PTPRT: variants seen among roughly 807,000 people sequenced by gnomAD.
PTPRT encodes the protein protein tyrosine phosphatase receptor type T.
PTPRT carries 56 observed loss-of-function variants against 176.8 expected under a neutral mutation model. The ratio of observed to expected loss-of-function variants is 0.32; its 90% confidence interval spans 0.26 to 0.40. The LOEUF is 0.40. Among genes scored for constraint, PTPRT ranks in the 10% least tolerant of loss-of-function variants. The probability of loss-of-function intolerance (pLI) is 1.00; values close to 1 mark genes in which losing one functional copy is unlikely to be tolerated. For missense variants in PTPRT, 1,540 were observed against 1,908.2 expected, an observed-to-expected ratio of 0.81 and a Z score of 3.60; for synonymous variants, 783 against 739.0, an observed-to-expected ratio of 1.06 and a Z score of -0.96.
chr20:42,917,154 G>A (rs1390700244), intron 1 of PTPRT, among the ~76,000 whole-genome samples: 2 of 152,112 alleles, frequency 1.3e-5, no homozygotes, highest in African/African-American at 4.8e-5. Context: ...TGTAAGGAAG[G>A]GATCCAGTTT....
At chr20:42,754,305 CCT>C (rs2076800472) in intron 6 of PTPRT, among the ~76,000 whole-genome samples, 1 of 152,216 alleles carries the variant, frequency 6.6e-6, no homozygotes, top group Non-Finnish European at 1.5e-5. Flanking sequence ...CCTGCCTCAA[CCT>C]CCCGAGCAGC....
At chr20:42,732,197 A>G (rs1193345961) in intron 6 of PTPRT, among the ~76,000 whole-genome samples, 1 of 152,216 alleles carries the variant, frequency 6.6e-6, no homozygotes, top group Non-Finnish European at 1.5e-5. Context: ...TTCCTCAGCC[A>G]TGATAACCAC....
intron 7 of PTPRT, among the ~76,000 whole-genome samples, chr20:42,569,111 T>TAA (rs2073107241): frequency 1.0e-5 from 1 of 98,446 alleles, no homozygotes; most frequent in Admixed American, 1.2e-4. Context: ...TATATATATA[T>TAA]AATTTCAACT....
intron 12 of PTPRT, among the ~76,000 whole-genome samples, chr20:42,295,173 C>G (rs1190026409): frequency 6.6e-6 from 1 of 152,186 alleles, no homozygotes; most frequent in African/African-American, 2.4e-5. Context: ...CTCCAAGACA[C>G]AGCCTAGTAA....
chr20:42,892,457 G>T (rs2079210225), intron 1 of PTPRT, among the ~76,000 whole-genome samples: 1 of 150,752 alleles, frequency 6.6e-6, no homozygotes, highest in Admixed American at 6.6e-5. Flanking sequence ...ATAGAAAGAT[G>T]TTCTTTTAAT....
At chr20:42,178,424 C>T (rs6065439) in intron 16 of PTPRT, among the ~76,000 whole-genome samples, 4,790 of 152,236 alleles carry the variant, frequency 0.031, 111 homozygotes, top group Non-Finnish European at 0.049. Flanking sequence ...ACTGTAATTC[C>T]TATCTTCTTG....
chr20:42,091,322 C>T (rs746472692), intron 27 of PTPRT, among the ~76,000 whole-genome samples: 9 of 152,154 alleles, frequency 5.9e-5, no homozygotes, highest in Non-Finnish European at 8.8e-5. Context: ...ACGCATTAAA[C>T]GTCTTTTTCT....
intron 2 of PTPRT, among the ~76,000 whole-genome samples, chr20:42,847,766 GT>G (rs1477232187): frequency 6.6e-6 from 1 of 152,182 alleles, no homozygotes; most frequent in Non-Finnish European, 1.5e-5. Flanking sequence ...CCTTGAGACT[GT>G]TTAGACTTTG....
chr20:42,694,624 G>A lies in PTPRT; in HGVS notation c.860-16465C>T, dbSNP rs1180512500. Among the ~76,000 whole-genome samples, 8 of 152,228 alleles carry A rather than the reference G, an allele frequency of 5.3e-5. No homozygotes were observed. The East Asian group carries it at 7.7e-4, about 15-fold the overall frequency. On this transcript the variant is annotated intron_variant, in intron 6 of 30. Transcript: ENST00000373187. The stretch of plus-strand genomic sequence containing the variant: ...GAACTATCAAACTGCTTTCCACAGC[G>A]GCTACATCATTTTACATTACTACTA...
At chr20:42,169,617 G>T (rs1410582686) in intron 16 of PTPRT, among the ~76,000 whole-genome samples, 1 of 152,060 alleles carries the variant, frequency 6.6e-6, no homozygotes, top group East Asian at 1.9e-4. Context: ...AACAGGTCTG[G>T]AGAGACTTCT....
At chr20:42,102,407 C>T (rs536932408) in intron 25 of PTPRT, 110 bp from the exon 26 acceptor site, 187 of 1,149,436 alleles carry the variant, frequency 1.6e-4, no homozygotes, top group Non-Finnish European at 2.1e-4. Context: ...ACCCTCTAAG[C>T]GCAGCCCCAC....
chr20:42,997,085 C>T (rs1050139764), intron 1 of PTPRT, among the ~76,000 whole-genome samples: 1 of 152,172 alleles, frequency 6.6e-6, no homozygotes, highest in East Asian at 1.9e-4. Context: ...CTTCCATTTT[C>T]TCATCTGTGA....
intron 1 of PTPRT, among the ~76,000 whole-genome samples, chr20:43,077,944 T>A (rs2011323445): frequency 6.6e-6 from 1 of 152,194 alleles, no homozygotes; most frequent in Admixed American, 6.5e-5. Flanking sequence ...TCCTTCTATA[T>A]CAAGTGGGAA....
chr20:42,883,738 ACTCT>A (rs142025657), intron 2 of PTPRT, among the ~76,000 whole-genome samples: 69 of 6,728 alleles, frequency 0.01, no homozygotes, highest in Middle Eastern at 0.2. Flanking sequence ...ACCCCCATAC[ACTCT>A]CACACATACC....
At chr20:43,011,652 G>C (rs1011806175) in intron 1 of PTPRT, among the ~76,000 whole-genome samples, 1 of 152,136 alleles carries the variant, frequency 6.6e-6, no homozygotes, top group African/African-American at 2.4e-5. Context: ...CCCAAAATTG[G>C]AATCAACCCA....
chr20:42,244,066 G>C (rs910394722), intron 14 of PTPRT, among the ~76,000 whole-genome samples: 2 of 152,154 alleles, frequency 1.3e-5, no homozygotes, highest in African/African-American at 4.8e-5. Context: ...AGGGAACAAA[G>C]CCTATTTCAA....
chr20:42,461,774 T>A (rs1295228766), intron 8 of PTPRT, among the ~76,000 whole-genome samples: 1 of 152,134 alleles, frequency 6.6e-6, no homozygotes, highest in African/African-American at 2.4e-5. Context: ...GGGATCTGAG[T>A]TACTTTGGTT....
chr20:42,809,053 G>A (rs2077656786), intron 2 of PTPRT, among the ~76,000 whole-genome samples: 1 of 152,234 alleles, frequency 6.6e-6, no homozygotes, highest in Non-Finnish European at 1.5e-5. Context: ...GTATAGGAGA[G>A]CACTTAGGGA....
chr20:42,272,721 GCA>G (rs58728446), intron 13 of PTPRT, among the ~76,000 whole-genome samples: 84,311 of 148,954 alleles, frequency 0.57, 23,577 homozygotes, highest in African/African-American at 0.6. Context: ...ACACGTGCGC[GCA>G]CACACACACA....
Sources: allele counts gnomAD v4.1 joint callset (sites outside exome capture counted in the v4.1 genomes callset), GRCh38; gene constraint gnomAD v4.1.1; transcripts MANE v1.5; gene names NCBI Gene and HGNC (gene_info 2026-07-23, HGNC 2026-07-21).